Variants in DPRX observed in about 807,000 individuals in gnomAD.
The protein encoded by DPRX is divergent paired-related homeobox.
In DPRX, 11 loss-of-function variants were observed where a neutral mutation model predicts 8.4. The ratio of observed to expected loss-of-function variants is 1.31; its 90% CI spans 0.82 to 2.17. DPRX has a LOEUF of 2.17. DPRX is among the 30% of genes most tolerant of loss of function. DPRX has a pLI of 0.00. For synonymous variants in DPRX, 72 were observed against 87.0 expected (o/e 0.83, Z 0.96); for missense variants, 211 against 236.7 (o/e 0.89, Z 0.71).
chr19:53,609,106 A>G, the DPRX span, among the ~76,000 whole-genome samples: 1 of 152,124 alleles, frequency 6.6e-6, no homozygotes. Context: ...AGCTGGAGAC[A>G]TCATGTTACC....
intron 2 of DPRX, among the ~76,000 whole-genome samples, 161 bp downstream of exon 2, chr19:53,634,846 A>G (rs1290243632): frequency 6.6e-6 from 1 of 152,152 alleles, no homozygotes; most frequent in Non-Finnish European, 1.5e-5. Context: ...AACCCCCTAG[A>G]GCAAGAATGG....
chr19:53,616,016 G>T, the DPRX span, among the ~76,000 whole-genome samples: 1 of 152,160 alleles, frequency 6.6e-6, no homozygotes, highest in Admixed American at 6.6e-5. Flanking sequence ...ACTTTGGGAC[G>T]CCGAGGCGGG....
upstream of DPRX, among the ~76,000 whole-genome samples, chr19:53,628,342 C>G (rs1333306508): frequency 6.6e-6 from 1 of 152,146 alleles, no homozygotes; most frequent in Admixed American, 6.6e-5. Context: ...GACCCTGTCT[C>G]AAATATAATA....
the DPRX span, among the ~76,000 whole-genome samples, chr19:53,610,747 G>GT: frequency 2.0e-5 from 3 of 152,082 alleles, no homozygotes; most frequent in Non-Finnish European, 4.4e-5. Flanking sequence ...GTGATTCTGG[G>GT]TTTTTTTCAG....
At chr19:53,603,746 C>CTTTTTTTTTTTTTTTTT in the DPRX span, among the ~76,000 whole-genome samples, 1 of 140,400 alleles carries the variant, frequency 7.1e-6, no homozygotes, top group East Asian at 2.1e-4. Context: ...TCTTTTCTTT[C>CTTTTTTTTTTTTTTTTT]TTTTTTTTTT....
At chr19:53,624,603 TG>T in the DPRX span, among the ~76,000 whole-genome samples, 1 of 151,274 alleles carries the variant, frequency 6.6e-6, no homozygotes. Context: ...TTAGTAGAGA[TG>T]GGGTTTCACC....
chr19:53,613,851 T>C, the DPRX span, among the ~76,000 whole-genome samples: 1 of 151,970 alleles, frequency 6.6e-6, no homozygotes, highest in African/African-American at 2.4e-5. Context: ...ACGAAGGAGA[T>C]TGAGGATTTT....
chr19:53,601,681 C>T, the DPRX span, among the ~76,000 whole-genome samples: 2 of 151,946 alleles, frequency 1.3e-5, no homozygotes, highest in African/African-American at 2.4e-5. Flanking sequence ...GGAATTTCAC[C>T]ATGTTGGTCA....
chr19:53,633,799 T>G (rs183408090), intron 1 of DPRX, among the ~76,000 whole-genome samples: 35 of 151,498 alleles, frequency 2.3e-4, no homozygotes, highest in African/African-American at 5.1e-4. Flanking sequence ...TGAGCCACTG[T>G]GCCCGGCCAA....
upstream of DPRX, among the ~76,000 whole-genome samples, chr19:53,631,813 G>T (rs1306228157): frequency 6.6e-6 from 1 of 152,108 alleles, no homozygotes. Context: ...GAAGTCTGGA[G>T]TGGGCCAGGA....
the DPRX span, among the ~76,000 whole-genome samples, chr19:53,607,689 CA>C: frequency 1.0e-3 from 130 of 129,134 alleles, no homozygotes; most frequent in African/African-American, 3.1e-3. Flanking sequence ...CCGTCTCTAC[CA>C]AAAAAAAAAA....
At chr19:53,632,224 C>G (rs907803763) in intron 1 of DPRX, 90 bp downstream of exon 1, 29 of 1,580,634 alleles carry the variant, frequency 1.8e-5, no homozygotes, top group Non-Finnish European at 2.3e-5. Context: ...ACCAGGCGGC[C>G]GAAGCTGGTG....
the DPRX span, among the ~76,000 whole-genome samples, chr19:53,624,079 CTTTTTTTTTTT>C: frequency 1.1e-5 from 1 of 93,286 alleles, no homozygotes; most frequent in Non-Finnish European, 2.1e-5. Flanking sequence ...ATTGTTGTAC[CTTTTTTTTTTT>C]TTTTTTTTTT....
At chr19:53,636,874 C>T (rs775078581) in exon 3 of DPRX, 2 of 1,614,188 alleles carry the variant, frequency 1.2e-6, no homozygotes, top group Non-Finnish European at 1.7e-6. Flanking sequence ...ATTTTGGCTG[C>T]TGCCGAGATC....
the DPRX span, among the ~76,000 whole-genome samples, chr19:53,625,937 G>A: frequency 1.3e-4 from 20 of 149,752 alleles, no homozygotes; most frequent in African/African-American, 4.9e-4. Context: ...TGTGCCCAGT[G>A]CCCCCCCTTT....
the DPRX span, chr19:53,606,569 G>C: frequency 6.6e-6 from 1 of 152,234 alleles, no homozygotes; most frequent in South Asian, 2.1e-4. The surrounding 1 kb of genome is among the most constrained non-coding windows in gnomAD (Gnocchi z 4.8). Flanking sequence ...GGTGAGCGCC[G>C]CTGAGACACC....
chr19:53,619,306 C>G, the DPRX span, among the ~76,000 whole-genome samples: 1 of 151,850 alleles, frequency 6.6e-6, no homozygotes, highest in African/African-American at 2.4e-5. Context: ...TTTGGGAATC[C>G]GAGGCGAGCA....
the DPRX span, among the ~76,000 whole-genome samples, chr19:53,612,096 A>T: frequency 6.6e-6 from 1 of 151,816 alleles, no homozygotes; most frequent in Non-Finnish European, 1.5e-5. Context: ...AAAAAAAAGT[A>T]AGCTGGGTGG....
the DPRX span, among the ~76,000 whole-genome samples, chr19:53,611,849 C>T: frequency 1.1e-4 from 16 of 151,474 alleles, no homozygotes; most frequent in Admixed American, 8.6e-4. Context: ...TCTGGAAGGC[C>T]GAGGCAGGTG....
Sources: gnomAD v4.1 joint callset for allele counts (sites outside exome capture counted in the v4.1 genomes callset) on GRCh38, gnomAD v4.1.1 for gene constraint, Gnocchi (gnomAD v3.1) non-coding constraint, MANE v1.5 for transcripts, NCBI Gene and HGNC (gene_info 2026-07-23, HGNC 2026-07-21) for gene names.